The following PCDHGA11 variants were observed in gnomAD, a reference collection of about 807,000 sequenced individuals.
PCDHGA11 encodes the protein protocadherin gamma subfamily A, 11.
PCDHGA11 carries 39 observed loss-of-function variants against 60.4 expected under a neutral mutation model. That is an observed-to-expected ratio of 0.65 (90% CI 0.50 to 0.84). The LOEUF is 0.84. Ranked by LOEUF, PCDHGA11 falls within the 40% of genes least tolerant of loss-of-function variation. The pLI, the probability that PCDHGA11 is intolerant of heterozygous loss-of-function variation, is 0.00. For synonymous variants in PCDHGA11, 533 were observed against 510.3 expected, an observed-to-expected ratio of 1.04 and a Z score of -0.60; for missense variants, 1,165 against 1,197.7, an observed-to-expected ratio of 0.97 and a Z score of 0.40.
intron 1 of PCDHGA11, chr5:141,471,339 C>G (rs537413312): frequency 2.6e-5 from 4 of 152,366 alleles, no homozygotes; most frequent in Admixed American, 2.6e-4. Context: ...GTATGATCCA[C>G]TGCGCCCGGC....
In PCDHGA11 at chr5:141,486,043, A is replaced by G. The variant is rs1193580610; in HGVS notation, c.2434-8764A>G. 6.2e-7 allele frequency: 1 copy of G among 1,614,050 alleles called. No homozygotes were observed. Among genetic ancestry groups the G allele is most frequent in the African/African-American group, 1.3e-5 (1 of 74,918 alleles). ...GTGGTCATACCCCTGATCGTGTAAG[A>G]AACCTCTTTAGCCTGCACCCCACTA... On this transcript the variant is annotated intron_variant, in intron 1 of 3. Transcript: ENST00000398587. This position sits in a 1 kb window ranked among gnomAD's most constrained non-coding sequence, Gnocchi z 5.0.
At position 141,511,648 on chromosome 5, in the gene PCDHGA11, G is replaced by T. The variant is rs553080689; in HGVS notation, c.*475G>T. The T allele has an allele frequency of 1.4e-5, 3 of 214,700 alleles. No homozygotes were observed. Among genetic ancestry groups the T allele is most frequent in the East Asian group, 2.1e-4 (2 of 9,414 alleles). The allele number at this position is 214,700 out of a possible 1,614,324, so 13.3% of individuals were successfully genotyped here. A position where few individuals can be genotyped will look rare whatever the true frequency, so the allele number is the denominator to read the frequency against. On this transcript the variant is annotated 3_prime_UTR_variant, in exon 4 of 4. Coordinates refer to ENST00000398587, the MANE Select transcript of PCDHGA11 (RefSeq NM_018914.3). ...AGTTGGAAGGGCATCATGACCTCTTGGCCTCTCCTTTGATTCTCAATCTTC... is the reference window on the plus strand; with the variant it reads ...AGTTGGAAGGGCATCATGACCTCTTTGCCTCTCCTTTGATTCTCAATCTTC...
At chr5:141,483,980 G>A (rs1379963326) in intron 1 of PCDHGA11, among the ~76,000 whole-genome samples, 4 of 148,294 alleles carry the variant, frequency 2.7e-5, no homozygotes, top group Non-Finnish European at 5.9e-5. Flanking sequence ...CAAGGGAGTA[G>A]CTAGGTTGCT....
intron 1 of PCDHGA11, among the ~76,000 whole-genome samples, chr5:141,446,714 G>T (rs193229261): frequency 2.6e-5 from 4 of 152,044 alleles, no homozygotes; most frequent in African/African-American, 9.7e-5. Flanking sequence ...TGATCTGCCC[G>T]CCTCGGCCTC....
chr5:141,505,255 C>T (rs2099844853), intron 2 of PCDHGA11, 138 bp from the exon 3 acceptor site: 1 of 1,481,112 alleles, frequency 6.8e-7, no homozygotes, highest in Admixed American at 2.1e-5. Context: ...AGAAGTGCCT[C>T]CTACCTTGCT....
At position 141,490,502 on chromosome 5, in the gene PCDHGA11, T is replaced by C. The variant is rs1408615048; in HGVS notation, c.2434-4305T>C. On this transcript the variant is annotated intron_variant, in intron 1 of 3. Transcript: ENST00000398587. The surrounding 1 kb of genome is among the most constrained non-coding windows in gnomAD (Gnocchi z 5.4). Reference sequence around the variant, plus strand: ...GACCGGGAGGCCACATCCCACTATATCATCGAGCTGCTGGCCAGCGATGCT... The same window carrying C: ...GACCGGGAGGCCACATCCCACTATACCATCGAGCTGCTGGCCAGCGATGCT... 1.2e-6 allele frequency: 2 copies of C among 1,614,094 alleles called. No individual in the cohort carries two copies. The highest frequency in any genetic ancestry group is 1.1e-5 in the South Asian group (1 of 91,076).
In PCDHGA11 at chr5:141,494,863, C is replaced by A. The variant is rs538734954; in HGVS notation, c.2490C>A (p.Ser830Arg). 17 of 1,614,118 alleles carry A rather than the reference C, an allele frequency of 1.1e-5. No individual in the cohort carries two copies. Among genetic ancestry groups the A allele is most frequent in the Non-Finnish European group, 1.4e-5 (17 of 1,179,994 alleles). Residue 830 changes from serine to arginine, a missense_variant and splice_region_variant, in exon 2 of 4, where the codon AGC becomes AGA. By Grantham distance (110) the Ser-to-Arg change is moderately radical. Transcript: ENST00000398587. ...RFSQAQRPGT[S>R]GSQNGDDTGT... ...CTCAGGCCCAGAGACCCGGCACCAG[C>A]GGGTAGGTGACTGATTCTCCAGCCC...
At chr5:141,430,752 A>C (rs772436100) in intron 1 of PCDHGA11, 1 of 1,501,400 alleles carries the variant, frequency 6.7e-7, no homozygotes, top group East Asian at 2.3e-5. Context: ...TTCTGGAGGA[A>C]GATAAGAATG....
At position 141,490,688 on chromosome 5, in the gene PCDHGA11, C is replaced by A; in HGVS notation, c.2434-4119C>A. ...ACTGTGGCTGCCTCAGATCCAGACA[C>A]TGGGGATAATGCCCGCCTCACCTAC... On this transcript the variant is annotated intron_variant, in intron 1 of 3. Coordinates refer to ENST00000398587, the MANE Select transcript of PCDHGA11 (RefSeq NM_018914.3). The surrounding 1 kb of genome is among the most constrained non-coding windows in gnomAD (Gnocchi z 5.4). The A allele has an allele frequency of 6.2e-7, 1 of 1,614,218 alleles. No individual in the cohort carries two copies. The highest frequency in any genetic ancestry group is 8.5e-7 in the Non-Finnish European group (1 of 1,180,032).
chr5:141,463,438 CTTTTTTTT>C (rs71576115), intron 1 of PCDHGA11, among the ~76,000 whole-genome samples: 7 of 103,252 alleles, frequency 6.8e-5, no homozygotes, highest in East Asian at 2.4e-4. Flanking sequence ...TTTCCTTCTC[CTTTTTTTT>C]TTTTTTTTTT....
At chr5:141,460,650 T>C (rs1264813071) in intron 1 of PCDHGA11, among the ~76,000 whole-genome samples, 2 of 152,094 alleles carry the variant, frequency 1.3e-5, no homozygotes, top group East Asian at 3.9e-4. Flanking sequence ...TGTTTACACA[T>C]ATGTAACTGT....
At chr5:141,451,762 T>C (rs2154563695) in intron 1 of PCDHGA11, among the ~76,000 whole-genome samples, 1 of 152,100 alleles carries the variant, frequency 6.6e-6, no homozygotes, top group African/African-American at 2.4e-5. Flanking sequence ...ATGCCTATAG[T>C]CCCAGCTACT....
chr5:141,446,623 TGC>T (rs1310809206), intron 1 of PCDHGA11, among the ~76,000 whole-genome samples: 1 of 152,014 alleles, frequency 6.6e-6, no homozygotes, highest in African/African-American at 2.4e-5. Flanking sequence ...ACTACAGGCG[TGC>T]ACCACCACGC....
chr5:141,437,728 A>T (rs1236819934), intron 1 of PCDHGA11, among the ~76,000 whole-genome samples: 1 of 150,908 alleles, frequency 6.6e-6, no homozygotes, highest in Non-Finnish European at 1.5e-5. Context: ...CTAATGTTAC[A>T]CTTTGAGTTC....
chr5:141,422,836 G>A lies in PCDHGA11; in HGVS notation c.1609G>A (p.Asp537Asn). 1 of 1,614,250 alleles carries A rather than the reference G, an allele frequency of 6.2e-7. No homozygotes were observed. The highest frequency in any genetic ancestry group is 1.6e-4 in the Middle Eastern group (1 of 6,062). The stretch of plus-strand genomic sequence containing the variant: ...CTTAGAACTGAGAGTGATAGCACGT[G>A]ACAGCGGGGACCCGCCCCTCAGCAG... Reference protein sequence around the residue: ...RDLELRVIARDSGDPPLSSNV... With the variant: ...RDLELRVIARNSGDPPLSSNV... The change falls in exon 1 of 4, where the codon GAC (aspartate) becomes AAC (asparagine). Residue 537 changes from aspartate to asparagine, a missense_variant. Transcript: ENST00000398587.
chr5:141,464,823 C>T (rs890811354), intron 1 of PCDHGA11, among the ~76,000 whole-genome samples: 5 of 151,986 alleles, frequency 3.3e-5, no homozygotes, highest in African/African-American at 1.2e-4. Flanking sequence ...ACTGTAGCCT[C>T]GCACTCCTGG....
Position 141,429,390 on chromosome 5 carries a change from A to ATTTT in PCDHGA11, c.2433+5730_2433+5731insTTTT, listed in dbSNP as rs1561841316. ...TGGAGAAAATGTGTTTTTTTTTTAA[A>ATTTT]AAAAATTGAGATTAAGGTCTCATTA... On this transcript the variant is annotated intron_variant, in intron 1 of 3. Coordinates refer to ENST00000398587, the MANE Select transcript of PCDHGA11 (RefSeq NM_018914.3). 1.2e-4 allele frequency among the ~76,000 whole-genome samples: 18 copies of ATTTT among 150,328 alleles called. No homozygotes were observed. In the East Asian group the frequency reaches 1.9e-3, roughly 16 times the overall value.
intron 1 of PCDHGA11, among the ~76,000 whole-genome samples, chr5:141,430,064 A>T (rs1482609618): frequency 6.6e-6 from 1 of 152,190 alleles, no homozygotes; most frequent in Non-Finnish European, 1.5e-5. Flanking sequence ...TATCATTTTT[A>T]GGTTTCCATA....
At chr5:141,451,484 G>A (rs2098717067) in intron 1 of PCDHGA11, among the ~76,000 whole-genome samples, 1 of 152,194 alleles carries the variant, frequency 6.6e-6, no homozygotes, top group Admixed American at 6.5e-5. Flanking sequence ...CTTGCCATGT[G>A]GACCTCCATA....
Sources: gnomAD v4.1 joint callset for allele counts (sites outside exome capture counted in the v4.1 genomes callset) on GRCh38, gnomAD v4.1.1 for gene constraint, Gnocchi (gnomAD v3.1) non-coding constraint, MANE v1.5 for transcripts, NCBI Gene and HGNC (gene_info 2026-07-23, HGNC 2026-07-21) for gene names.